Variants in CASZ1 observed in about 807,000 individuals in gnomAD.
The protein encoded by CASZ1 is castor zinc finger 1, also known as zinc finger protein castor homolog 1.
A neutral mutation model predicts 135.2 loss-of-function variants in CASZ1; 28 were observed. The ratio of observed to expected loss-of-function variants is 0.21; its 90% CI spans 0.15 to 0.28. The LOEUF is 0.28. Among genes scored for constraint, CASZ1 ranks in the 10% least tolerant of loss-of-function variants. The pLI is 1.00. For missense variants in CASZ1, 2,161 were observed against 2,453.3 expected (o/e 0.88, Z 2.52); for synonymous variants, 1,068 against 1,073.4 (o/e 0.99, Z 0.10).
chr1:10,771,733 T>C (rs1570579193), intron 1 of CASZ1, among the ~76,000 whole-genome samples: 1 of 152,220 alleles, frequency 6.6e-6, no homozygotes, highest in African/African-American at 2.4e-5. Context: ...ATTTTCTCTG[T>C]CCCCTTATTT....
intron 4 of CASZ1, among the ~76,000 whole-genome samples, chr1:10,675,625 C>T (rs937035796): frequency 6.6e-6 from 1 of 152,142 alleles, no homozygotes; most frequent in Non-Finnish European, 1.5e-5. Flanking sequence ...GGAGACCCTG[C>T]AGTTAATGAT....
At chr1:10,775,152 C>T (rs1255246336) in intron 1 of CASZ1, among the ~76,000 whole-genome samples, 1 of 152,186 alleles carries the variant, frequency 6.6e-6, no homozygotes, top group Non-Finnish European at 1.5e-5. Context: ...GTTCGGTTCC[C>T]TACCCTTTGG....
At chr1:10,791,210 C>T (rs964763929) in intron 1 of CASZ1, among the ~76,000 whole-genome samples, 1 of 152,106 alleles carries the variant, frequency 6.6e-6, no homozygotes, top group Non-Finnish European at 1.5e-5. Context: ...AAAAACCCCA[C>T]TATACTTCTG....
Position 10,744,736 on chromosome 1 carries a change from G to A in CASZ1, c.-77+15965C>T, listed in dbSNP as rs1035580100. On this transcript the variant is annotated intron_variant, in intron 2 of 20. Coordinates refer to ENST00000377022, the MANE Select transcript of CASZ1 (RefSeq NM_001079843.3). ...ACGAGCAGGCATGTCCTGGGCGACA[G>A]GGGAACACAGTCCCAGATGGGCGGG... Among the ~76,000 whole-genome samples the A allele has an allele frequency of 2.0e-5, 3 of 152,114 alleles. 1 individual carries two copies. Among genetic ancestry groups the A allele is most frequent in the Non-Finnish European group, 4.4e-5 (3 of 68,028 alleles).
chr1:10,639,839 G>A lies in CASZ1; in HGVS notation c.4383C>T (p.Arg1461=), dbSNP rs1478409376. The part of the protein sequence containing the change: ...SLKVTHYHCT[R]ENCGYKFCGR... Reference sequence around the variant, plus strand: ...CGCAGAACTTGTAGCCGCAGTTCTCGCGCGTGCAGTGGTAGTGGGTGACCT... The same window carrying A: ...CGCAGAACTTGTAGCCGCAGTTCTCACGCGTGCAGTGGTAGTGGGTGACCT... Residue 1461 remains arginine (R), a synonymous_variant, in exon 21 of 21, where the codon CGC becomes CGT. Transcript: ENST00000377022. The surrounding 1 kb of genome is among the most constrained non-coding windows in gnomAD (Gnocchi z 4.0). 4.3e-6 allele frequency: 7 copies of A among 1,611,500 alleles called. No homozygotes were observed. The highest frequency in any genetic ancestry group is 5.9e-6 in the Non-Finnish European group (7 of 1,179,366).
chr1:10,711,248 C>T lies in CASZ1; in HGVS notation c.-76-5704G>A, dbSNP rs1639280319. 6.6e-6 allele frequency among the ~76,000 whole-genome samples: 1 copy of T among 152,240 alleles called. No homozygotes were observed. The highest frequency in any genetic ancestry group is 1.5e-5 in the Non-Finnish European group (1 of 68,044). On this transcript the variant is annotated intron_variant, in intron 2 of 20. Transcript: ENST00000377022. The surrounding 1 kb of genome is among the most constrained non-coding windows in gnomAD (Gnocchi z 4.4). ...GGGTACGCAGGCTGCTTAACCTCTC[C>T]AGGCCCCAGCTTCTTCCATTGAAAA...
intron 13 of CASZ1, 89 bp from the exon 14 acceptor site, chr1:10,649,526 G>C: frequency 1.4e-6 from 2 of 1,430,382 alleles, no homozygotes; most frequent in Non-Finnish European, 1.9e-6. Flanking sequence ...GCTCTGGGCT[G>C]CTGGGACCCA....
chr1:10,678,608 G>A (rs1046837323), intron 4 of CASZ1, among the ~76,000 whole-genome samples: 9 of 152,264 alleles, frequency 5.9e-5, no homozygotes, highest in African/African-American at 9.6e-5. Flanking sequence ...CGCAGGGGCC[G>A]TCAGGTAAAT....
At chr1:10,659,679 T>G in intron 6 of CASZ1, 23 bp downstream of exon 6, 62 of 1,557,486 alleles carry the variant, frequency 4.0e-5, no homozygotes, top group Non-Finnish European at 4.8e-5. Context: ...GCTCTGGGCA[T>G]TGTGGGGTGG....
At chr1:10,738,775 T>C (rs528651750) in intron 2 of CASZ1, among the ~76,000 whole-genome samples, 1 of 152,316 alleles carries the variant, frequency 6.6e-6, no homozygotes, top group African/African-American at 2.4e-5. Flanking sequence ...ATTTAAAGGC[T>C]CTTCTCTCTT....
intron 3 of CASZ1, among the ~76,000 whole-genome samples, chr1:10,695,001 T>C (rs1638897813): frequency 6.8e-6 from 1 of 146,268 alleles, no homozygotes; most frequent in Admixed American, 6.7e-5. Context: ...GCGCTAACTT[T>C]TCCGCGAGGG....
intron 4 of CASZ1, among the ~76,000 whole-genome samples, chr1:10,670,343 C>A (rs548499506): frequency 1.3e-3 from 193 of 152,378 alleles, no homozygotes; most frequent in African/African-American, 4.5e-3. Flanking sequence ...TGGAGCCCAA[C>A]TGCCACCAGG....
rs537240647 is a variant in CASZ1, at chr1:10,693,456, A to C, written c.16+418T>G. 4.3e-3 allele frequency among the ~76,000 whole-genome samples: 604 copies of C among 139,688 alleles called. 7 individuals are homozygous for C. Among genetic ancestry groups the C allele is most frequent in the African/African-American group, 0.016 (585 of 37,358 alleles). 91.6% of individuals were successfully genotyped at this position (139,688 alleles called of 152,430 possible). On this transcript the variant is annotated intron_variant, in intron 4 of 20. Coordinates refer to ENST00000377022, the MANE Select transcript of CASZ1 (RefSeq NM_001079843.3). ...CACCCCCCACTAAAAAAATAAAAAC[A>C]CACACCCCAGAGCCAGACACACAAA...
At chr1:10,673,670 G>A (rs775754480) in intron 4 of CASZ1, among the ~76,000 whole-genome samples, 1 of 152,178 alleles carries the variant, frequency 6.6e-6, no homozygotes, top group Admixed American at 6.5e-5. Context: ...AAACCTCAGC[G>A]ATTCGTGGCC....
intron 1 of CASZ1, among the ~76,000 whole-genome samples, chr1:10,785,730 C>T (rs1362498693): frequency 6.6e-6 from 1 of 152,240 alleles, no homozygotes; most frequent in Admixed American, 6.5e-5. Flanking sequence ...GGCTAAGCAC[C>T]GAGGCTCTGC....
In CASZ1 at chr1:10,646,083, C is replaced by T. The variant is rs1235033634; in HGVS notation, c.3696+45G>A. The T allele has an allele frequency of 6.3e-7, 1 of 1,593,090 alleles. No individual in the cohort carries two copies. Among genetic ancestry groups the T allele is most frequent in the Non-Finnish European group, 8.6e-7 (1 of 1,162,678 alleles). On this transcript the variant is annotated intron_variant, in intron 17 of 20. Coordinates refer to ENST00000377022, the MANE Select transcript of CASZ1 (RefSeq NM_001079843.3). The surrounding 1 kb of genome is among the most constrained non-coding windows in gnomAD (Gnocchi z 6.4). ...TGTGCCCTGAGCTAGCCCTGCACCT[C>T]CCTGCCCCCTACTCTGCCCCTGCGC... is the stretch of plus-strand genomic sequence containing the variant.
rs950524812 is a variant in CASZ1 at position 10,648,128 on chromosome 1, C to T, written c.3170G>A (p.Arg1057Gln). Residue 1057 changes from arginine to glutamine, a missense_variant, in exon 16 of 21, where the codon CGG becomes CAG. This residue lies in a region of CASZ1 where 349 missense variants were observed against 460.8 expected (regional missense o/e 0.76). Transcript: ENST00000377022. ...GAIKHANFHF[R>Q]TEGGAAKGNT... ...TCCTTTTGCTGCTCCTCCCTCTGTC[C>T]GGAAGTGGAAGCTGCGAGAGGTAGA... 4.6e-6 allele frequency: 7 copies of T among 1,518,014 alleles called. No individual in the cohort carries two copies. Among genetic ancestry groups the T allele is most frequent in the East Asian group, 2.4e-5 (1 of 41,290 alleles). The allele number at this position is 1,518,014 out of a possible 1,614,324, so 94.0% of individuals were successfully genotyped here. A position where few individuals can be genotyped will look rare whatever the true frequency, so the allele number is the denominator to read the frequency against.
rs1463737466 is a variant in CASZ1, at chr1:10,774,455, G to A, written c.-233-13598C>T. On this transcript the variant is annotated intron_variant, in intron 1 of 20. Transcript: ENST00000377022. The surrounding 1 kb of genome is among the most constrained non-coding windows in gnomAD (Gnocchi z 4.4). The stretch of plus-strand genomic sequence containing the variant: ...ACCAGGGCCTCCTGTGTAGTCTACA[G>A]AGGAAAAGAAGAGGTTGCTGGCCTG... 6.6e-6 allele frequency among the ~76,000 whole-genome samples: 1 copy of A among 152,162 alleles called. No homozygotes were observed. Among genetic ancestry groups the A allele is most frequent in the African/African-American group, 2.4e-5 (1 of 41,456 alleles).
At position 10,791,842 on chromosome 1, in the gene CASZ1, C is replaced by T. The variant is rs148793361; in HGVS notation, c.-234+4722G>A. 2.0e-5 allele frequency among the ~76,000 whole-genome samples: 3 copies of T among 152,150 alleles called. No homozygotes were observed. The East Asian group carries it at 5.8e-4, about 29-fold the overall frequency. On this transcript the variant is annotated intron_variant, in intron 1 of 20. Coordinates refer to ENST00000377022, the MANE Select transcript of CASZ1 (RefSeq NM_001079843.3). ...GAAAGTCATTAATTACTTATGTGAGCTATTGCTTCAGAAAGACAATAAACC... is the reference window on the plus strand; with the variant it reads ...GAAAGTCATTAATTACTTATGTGAGTTATTGCTTCAGAAAGACAATAAACC...
Sources: allele counts gnomAD v4.1 joint callset (sites outside exome capture counted in the v4.1 genomes callset), GRCh38; gene constraint gnomAD v4.1.1; regional missense constraint gnomAD v4.1.1; non-coding constraint Gnocchi (gnomAD v3.1); transcripts MANE v1.5; gene names NCBI Gene and HGNC (gene_info 2026-07-23, HGNC 2026-07-21).